COL22A1: variants seen among roughly 807,000 people sequenced by gnomAD.
COL22A1 encodes collagen alpha-1(XXII) chain.
In COL22A1, 221 loss-of-function variants were observed where a neutral mutation model predicts 248.9. The ratio of observed to expected loss-of-function variants is 0.89; its 90% CI spans 0.80 to 0.99. COL22A1 has a LOEUF of 0.99. Ranked by LOEUF, COL22A1 falls within the 50% of genes least tolerant of loss-of-function variation. The pLI, the probability that COL22A1 is intolerant of heterozygous loss-of-function variation, is 0.00. For missense variants in COL22A1, 2,240 were observed against 2,179.0 expected, an observed-to-expected ratio of 1.03 and a Z score of -0.56; for synonymous variants, 891 against 793.4, an observed-to-expected ratio of 1.12 and a Z score of -2.07.
At chr8:138,618,980 T>G (rs1474099333) in intron 53 of COL22A1, among the ~76,000 whole-genome samples, 2 of 152,154 alleles carry the variant, frequency 1.3e-5, no homozygotes, top group Non-Finnish European at 2.9e-5. Flanking sequence ...ATTAAAAACT[T>G]TACTTCTTTG....
chr8:138,810,609 T>C (rs1818127545), intron 9 of COL22A1, among the ~76,000 whole-genome samples: 1 of 152,150 alleles, frequency 6.6e-6, no homozygotes, highest in African/African-American at 2.4e-5. Flanking sequence ...GGCTTCCAGC[T>C]TGGGCCTCCA....
Position 138,716,875 on chromosome 8 carries a change from A to G in COL22A1, c.2356-6T>C, listed in dbSNP as rs377147455. 12 of 1,607,638 alleles carry G rather than the reference A, an allele frequency of 7.5e-6. No homozygotes were observed. In the Middle Eastern group the frequency reaches 4.9e-4, roughly 66 times the overall value. On this transcript the variant is annotated splice_region_variant and splice_polypyrimidine_tract_variant and intron_variant, in intron 27 of 64. Transcript: ENST00000303045. ...CCCTGCTCCCCAATTTCTCCCTGAA[A>G]ATGCAATAAAACATACCCCATTATT...
At chr8:138,679,748 C>T (rs541293184) in intron 39 of COL22A1, 72 bp from the exon 40 acceptor site, 1 of 1,384,340 alleles carries the variant, frequency 7.2e-7, no homozygotes, top group East Asian at 2.3e-5. Flanking sequence ...TAATTCAGCC[C>T]CTCTGTTAGG....
intron 45 of COL22A1, among the ~76,000 whole-genome samples, chr8:138,654,689 C>G (rs1823066210): frequency 6.6e-6 from 1 of 152,146 alleles, no homozygotes; most frequent in South Asian, 2.1e-4. Context: ...ACCTCTCTCT[C>G]CCTCGTTCAC....
At chr8:138,748,135 G>T (rs909637171) in intron 22 of COL22A1, among the ~76,000 whole-genome samples, 4 of 152,118 alleles carry the variant, frequency 2.6e-5, no homozygotes, top group Admixed American at 6.5e-5. Flanking sequence ...ACTCACTCCT[G>T]CAAGGCCACC....
At chr8:138,769,512 G>A (rs1233819632) in intron 16 of COL22A1, among the ~76,000 whole-genome samples, 1 of 152,064 alleles carries the variant, frequency 6.6e-6, no homozygotes, top group African/African-American at 2.4e-5. Context: ...CCCATTCCCA[G>A]GGACTTCCAC....
intron 60 of COL22A1, among the ~76,000 whole-genome samples, chr8:138,601,763 C>T (rs976830092): frequency 1.3e-5 from 2 of 152,088 alleles, no homozygotes; most frequent in African/African-American, 2.4e-5. Flanking sequence ...CTTCGGGAGC[C>T]GAGCCCGTCT....
chr8:138,806,351 C>T (rs531502510), intron 10 of COL22A1, among the ~76,000 whole-genome samples: 1 of 150,998 alleles, frequency 6.6e-6, no homozygotes, highest in Admixed American at 6.6e-5. Flanking sequence ...TGTGTGTGTC[C>T]GTAGTGTCAC....
chr8:138,733,456 T>C (rs1379654962), intron 23 of COL22A1, among the ~76,000 whole-genome samples: 1 of 152,210 alleles, frequency 6.6e-6, no homozygotes, highest in South Asian at 2.1e-4. Flanking sequence ...CTCTCTGAGC[T>C]TGGTTTCTCT....
intron 2 of COL22A1, 149 bp downstream of exon 2, chr8:138,882,933 C>T (rs914808551): frequency 3.3e-5 from 23 of 706,330 alleles, no homozygotes; most frequent in Non-Finnish European, 4.8e-5. Context: ...TAGAAGGCAG[C>T]TGACTCACAC....
At chr8:138,596,809 T>C (rs1817571652) in intron 62 of COL22A1, 95 bp downstream of exon 62, 2 of 1,173,992 alleles carry the variant, frequency 1.7e-6, no homozygotes, top group South Asian at 2.6e-5. Flanking sequence ...TCAAGTGCTT[T>C]TCTTATTCCA....
chr8:138,602,912 A>C (rs1441550690), intron 59 of COL22A1, among the ~76,000 whole-genome samples: 1 of 152,054 alleles, frequency 6.6e-6, no homozygotes, highest in Non-Finnish European at 1.5e-5. Context: ...CTGACACCTA[A>C]CTTTCTTTCT....
rs111523005 is a variant in COL22A1, at chr8:138,673,976, A to C, written c.3150+2582T>G. On this transcript the variant is annotated intron_variant, in intron 41 of 64. Coordinates refer to ENST00000303045, the MANE Select transcript of COL22A1 (RefSeq NM_152888.3). ...GAACAACTCTGCAACAACGCCATGC[A>C]GTCACTCAGGGGCTGTTGTACAGGT... Among the ~76,000 whole-genome samples, 77 of 152,272 alleles carry C rather than the reference A, an allele frequency of 5.1e-4. 1 individual carries two copies. The highest frequency in any genetic ancestry group is 1.8e-3 in the African/African-American group (74 of 41,550).
intron 41 of COL22A1, among the ~76,000 whole-genome samples, chr8:138,664,205 GCGCGCACACACA>G (rs779345218): frequency 0.035 from 3,387 of 96,978 alleles, 83 homozygotes; most frequent in Non-Finnish European, 0.04. Context: ...GCGCGCGCGC[GCGCGCACACACA>G]CACACACACA....
rs1309501149 is a variant in COL22A1 at position 138,811,890 on chromosome 8, G to A, written c.1358C>T (p.Pro453Leu). The change falls in exon 9 of 65, where the codon CCT (proline) becomes CTT (leucine). Residue 453 changes from proline (P) to leucine (L), a missense_variant. Pro to Leu is a moderately conservative substitution (Grantham distance 98). Coordinates refer to ENST00000303045, the MANE Select transcript of COL22A1 (RefSeq NM_152888.3). ...CQVTVVTEPP[P>L]PPPPQRPPTP... ...GGGAGGCCGCTGGGGTGGGGGTGGA[G>A]GTGGAGGCTCTGTCACCACGGTCAC... is the stretch of plus-strand genomic sequence containing the variant. The A allele has an allele frequency of 1.3e-6, 2 of 1,564,902 alleles. No homozygotes were observed. The highest frequency in any genetic ancestry group is 2.4e-5 in the East Asian group (1 of 42,072).
At chr8:138,666,717 C>T (rs1466617589) in intron 41 of COL22A1, among the ~76,000 whole-genome samples, 2 of 152,216 alleles carry the variant, frequency 1.3e-5, no homozygotes, top group Non-Finnish European at 2.9e-5. Context: ...GGAAATGTCA[C>T]ATCATTTGAG....
chr8:138,804,584 A>T (rs1817301128), intron 10 of COL22A1, among the ~76,000 whole-genome samples: 1 of 152,208 alleles, frequency 6.6e-6, no homozygotes, highest in Admixed American at 6.5e-5. Flanking sequence ...GAGCTCGGTG[A>T]TGCAGAAACC....
intron 1 of COL22A1, among the ~76,000 whole-genome samples, chr8:138,886,524 T>C (rs1824680746): frequency 6.6e-6 from 1 of 152,196 alleles, no homozygotes; most frequent in Non-Finnish European, 1.5e-5. Flanking sequence ...ATCGAGACTA[T>C]TGGCAGTTTC....
chr8:138,688,841 G>T, intron 37 of COL22A1, 76 bp downstream of exon 37: 1 of 1,281,020 alleles, frequency 7.8e-7, no homozygotes, highest in South Asian at 1.2e-5. Context: ...GGCCCGAGCA[G>T]AGTGAGCTGC....
Sources: gnomAD v4.1 joint callset for allele counts (sites outside exome capture counted in the v4.1 genomes callset) on GRCh38, gnomAD v4.1.1 for gene constraint, MANE v1.5 for transcripts, NCBI Gene and HGNC (gene_info 2026-07-23, HGNC 2026-07-21) for gene names.